Variants in PTPN12 observed in about 807,000 individuals in gnomAD.
The protein encoded by PTPN12 is tyrosine-protein phosphatase non-receptor type 12.
PTPN12 carries 29 observed loss-of-function variants against 97.6 expected under a neutral mutation model. That is an observed-to-expected ratio of 0.30 (90% confidence interval 0.22 to 0.41). The LOEUF (loss-of-function observed/expected upper bound fraction) is 0.41, where lower values mean the gene tolerates loss of function less well. PTPN12 is among the 10% of genes least tolerant of loss of function. PTPN12 has a pLI of 1.00. For synonymous variants in PTPN12, 327 were observed against 300.4 expected (o/e 1.09, Z -0.91); for missense variants, 819 against 926.0 (o/e 0.88, Z 1.50).
intron 1 of PTPN12, among the ~76,000 whole-genome samples, chr7:77,561,517 C>T (rs536982938): frequency 5.9e-5 from 9 of 152,176 alleles, no homozygotes; most frequent in Non-Finnish European, 1.3e-4. Flanking sequence ...TGGCAGTCTC[C>T]GGCCTTGCAA....
chr7:77,596,751 C>T (rs1788034451), intron 6 of PTPN12, among the ~76,000 whole-genome samples: 2 of 152,080 alleles, frequency 1.3e-5, no homozygotes, highest in South Asian at 4.1e-4. Flanking sequence ...AGGTTTACAG[C>T]AAAATTGAGA....
chr7:77,573,192 A>T (rs1787219964), intron 2 of PTPN12, among the ~76,000 whole-genome samples: 1 of 152,006 alleles, frequency 6.6e-6, no homozygotes, highest in Non-Finnish European at 1.5e-5. Context: ...GTAACCAATC[A>T]TTAAGCTTTT....
chr7:77,540,598 G>A (rs1468344542), intron 1 of PTPN12, among the ~76,000 whole-genome samples: 1 of 150,350 alleles, frequency 6.7e-6, no homozygotes. Context: ...GGTATAGCTA[G>A]GTGATTCTAC....
chr7:77,550,703 G>T (rs1385646873), intron 1 of PTPN12, among the ~76,000 whole-genome samples: 1 of 152,188 alleles, frequency 6.6e-6, no homozygotes, highest in African/African-American at 2.4e-5. Context: ...TGAGCAAGAG[G>T]CATTTTTGTG....
At chr7:77,553,836 T>C (rs1180999094) in intron 1 of PTPN12, among the ~76,000 whole-genome samples, 1 of 128,128 alleles carries the variant, frequency 7.8e-6, no homozygotes, top group Non-Finnish European at 1.6e-5. Flanking sequence ...TCTGTTGTCA[T>C]TGTTCTTTGT....
At chr7:77,638,948 G>C in intron 17 of PTPN12, 1 of 848,072 alleles carries the variant, frequency 1.2e-6, no homozygotes, top group Non-Finnish European at 1.7e-6. Flanking sequence ...TTTTGTGTTG[G>C]AAAGACTAAA....
chr7:77,621,188 G>A (rs1788923934), intron 12 of PTPN12, among the ~76,000 whole-genome samples: 1 of 151,980 alleles, frequency 6.6e-6, no homozygotes. Flanking sequence ...CACAGGGTCA[G>A]GATCATCAAT....
chr7:77,547,273 A>T (rs1033592698), intron 1 of PTPN12, among the ~76,000 whole-genome samples: 1 of 152,190 alleles, frequency 6.6e-6, no homozygotes, highest in Non-Finnish European at 1.5e-5. Flanking sequence ...AAAACATGGC[A>T]GTACTCTGTT....
intron 2 of PTPN12, among the ~76,000 whole-genome samples, chr7:77,581,133 C>T (rs960332691): frequency 8.5e-5 from 13 of 152,158 alleles, no homozygotes; most frequent in African/African-American, 2.7e-4. Context: ...AGTGCAGTGG[C>T]GCAATCTTGG....
At chr7:77,602,212 T>G (rs12531068) in intron 8 of PTPN12, among the ~76,000 whole-genome samples, 2,770 of 152,222 alleles carry the variant, frequency 0.018, 34 homozygotes, top group Middle Eastern at 0.071. Context: ...ATAATATATT[T>G]TAGCTAAGAG....
intron 9 of PTPN12, among the ~76,000 whole-genome samples, chr7:77,608,852 A>G (rs527594011): frequency 1.5e-4 from 23 of 152,360 alleles, no homozygotes; most frequent in South Asian, 1.0e-3. Flanking sequence ...ATAAAAGTCA[A>G]AGATTAAAAT....
rs753440093 is a variant in PTPN12 at position 77,592,212 on chromosome 7, T to C, written c.448T>C (p.Tyr150His). The change falls in exon 6 of 18, where the codon TAT becomes CAT. Residue 150 changes from tyrosine (Y) to histidine (H), a missense_variant. Coordinates refer to ENST00000248594, the MANE Select transcript of PTPN12 (RefSeq NM_002835.4). ...AAAATGTGAGCGCTATTGGCCTTTGTATGGAGAAGACCCCATAACGTTTGC... is the reference window on the plus strand; with the variant it reads ...AAAATGTGAGCGCTATTGGCCTTTGCATGGAGAAGACCCCATAACGTTTGC... ...RKKCERYWPL[Y>H]GEDPITFAPF... 5 of 1,606,410 alleles carry C rather than the reference T, an allele frequency of 3.1e-6. No homozygotes were observed. In the Admixed American group the frequency reaches 5.2e-5, roughly 17 times the overall value.
At chr7:77,559,372 T>C (rs1035390359) in intron 1 of PTPN12, among the ~76,000 whole-genome samples, 2 of 152,242 alleles carry the variant, frequency 1.3e-5, no homozygotes, top group African/African-American at 4.8e-5. Context: ...CAGTGATATG[T>C]TGGATCAGTT....
rs764476553 is a variant in PTPN12, at chr7:77,564,746, GTTTTT to G, written c.100-6306_100-6302del. Reference sequence around the variant, plus strand: ...TTTTGTTGTTGTTTTTTGTTGTCGTGTTTTTTTTTTTTTTTTTTTTTTTTTTTTTT... The same window carrying G: ...TTTTGTTGTTGTTTTTTGTTGTCGTGTTTTTTTTTTTTTTTTTTTTTTTTT... On this transcript the variant is annotated intron_variant, in intron 1 of 17. Transcript: ENST00000248594. Among the ~76,000 whole-genome samples the G allele has an allele frequency of 8.6e-3, 390 of 45,270 alleles. 1 individual carries two copies. Among genetic ancestry groups the G allele is most frequent in the Admixed American group, 0.012 (30 of 2,528 alleles). 29.7% of individuals were successfully genotyped at this position (45,270 alleles called of 152,430 possible).
At chr7:77,625,522 T>TCTCC (rs1467887165) in intron 12 of PTPN12, among the ~76,000 whole-genome samples, 2 of 44,750 alleles carry the variant, frequency 4.5e-5, no homozygotes, top group Non-Finnish European at 4.6e-5. Context: ...TCTCTCTCTC[T>TCTCC]CACTCTCACT....
intron 1 of PTPN12, among the ~76,000 whole-genome samples, chr7:77,555,349 A>G (rs772734857): frequency 6.6e-6 from 1 of 151,902 alleles, no homozygotes. Flanking sequence ...GAAATTTTCA[A>G]TCATTATTTC....
At chr7:77,629,063 C>T (rs907606059) in intron 13 of PTPN12, among the ~76,000 whole-genome samples, 1 of 152,166 alleles carries the variant, frequency 6.6e-6, no homozygotes, top group African/African-American at 2.4e-5. Flanking sequence ...AATTCTCCTG[C>T]CTCATCCTCC....
chr7:77,579,081 A>G (rs1787427765), intron 2 of PTPN12, among the ~76,000 whole-genome samples: 1 of 152,200 alleles, frequency 6.6e-6, no homozygotes, highest in African/African-American at 2.4e-5. Context: ...TCAATCAGAG[A>G]AACTTTTTTA....
At chr7:77,583,473 C>G in intron 3 of PTPN12, 82 bp from the exon 4 acceptor site, 2 of 862,526 alleles carry the variant, frequency 2.3e-6, no homozygotes, top group Admixed American at 2.4e-5. Context: ...ATTACTAATA[C>G]AATTTGAAAC....
Sources: allele counts gnomAD v4.1 joint callset (sites outside exome capture counted in the v4.1 genomes callset), GRCh38; gene constraint gnomAD v4.1.1; transcripts MANE v1.5; gene names NCBI Gene and HGNC (gene_info 2026-07-23, HGNC 2026-07-21).